Variants in STAG1 observed in about 807,000 individuals in gnomAD.
The protein encoded by STAG1 is cohesin subunit SA-1.
A neutral mutation model predicts 170.9 loss-of-function variants in STAG1; 26 were observed. The observed-to-expected ratio is 0.15, with a 90% CI of 0.11 to 0.21. The LOEUF is 0.21. STAG1 is among the 10% of genes least tolerant of loss of function. The pLI is 1.00. For synonymous variants in STAG1, 514 were observed against 497.7 expected (o/e 1.03, Z -0.44); for missense variants, 964 against 1,509.5 (o/e 0.64, Z 5.99).
chr3:136,746,015 T>G (rs957947308), intron 1 of STAG1, among the ~76,000 whole-genome samples: 20 of 152,212 alleles, frequency 1.3e-4, no homozygotes, highest in Non-Finnish European at 5.9e-5. Context: ...AAAGAAAAGA[T>G]TCTATAAAAC....
At chr3:136,656,689 T>A (rs1030351399) in intron 1 of STAG1, among the ~76,000 whole-genome samples, 2 of 145,996 alleles carry the variant, frequency 1.4e-5, no homozygotes, top group African/African-American at 5.3e-5. Flanking sequence ...ATAACCCACA[T>A]AAAGGAAATA....
intron 7 of STAG1, among the ~76,000 whole-genome samples, chr3:136,515,679 G>T (rs1032434061): frequency 6.6e-6 from 1 of 152,038 alleles, no homozygotes; most frequent in South Asian, 2.1e-4. Context: ...TTTCAGAACC[G>T]ATGATAGAAC....
intron 13 of STAG1, among the ~76,000 whole-genome samples, chr3:136,459,252 G>A (rs1031781970): frequency 5.6e-4 from 84 of 148,694 alleles, no homozygotes; most frequent in African/African-American, 1.9e-3. Context: ...GAAAAGAAAA[G>A]AAAAAAAGAC....
intron 4 of STAG1, among the ~76,000 whole-genome samples, chr3:136,584,575 A>G (rs546160954): frequency 2.6e-5 from 4 of 152,266 alleles, no homozygotes; most frequent in Admixed American, 2.0e-4. Context: ...TTCTTGGTTC[A>G]GTGTTCTCTA....
intron 23 of STAG1, among the ~76,000 whole-genome samples, chr3:136,375,030 A>T (rs893974920): frequency 1.3e-5 from 2 of 152,218 alleles, no homozygotes; most frequent in African/African-American, 4.8e-5. Context: ...ATCATAGCCT[A>T]AGAGGAATAG....
intron 6 of STAG1, among the ~76,000 whole-genome samples, chr3:136,536,353 C>G (rs989236781): frequency 9.9e-5 from 15 of 152,202 alleles, no homozygotes; most frequent in African/African-American, 3.4e-4. Flanking sequence ...GTTGTCCAAA[C>G]TGAAAAAGTG....
chr3:136,587,669 G>A (rs1054983705), intron 4 of STAG1, among the ~76,000 whole-genome samples: 3 of 151,054 alleles, frequency 2.0e-5, no homozygotes, highest in Non-Finnish European at 2.9e-5. Flanking sequence ...AGAAAAATTA[G>A]CCAGGCCAGG....
At chr3:136,576,834 G>GGT (rs1937479326) in intron 4 of STAG1, among the ~76,000 whole-genome samples, 1 of 152,170 alleles carries the variant, frequency 6.6e-6, no homozygotes, top group African/African-American at 2.4e-5. Context: ...GTAGGACCTT[G>GGT]GTTAAGCAGA....
intron 16 of STAG1, among the ~76,000 whole-genome samples, chr3:136,425,807 GAT>G (rs993200648): frequency 4.0e-5 from 6 of 150,818 alleles, no homozygotes; most frequent in East Asian, 3.9e-4. Context: ...TAAAAAATAA[GAT>G]ATGTGAAAAG....
intron 2 of STAG1, among the ~76,000 whole-genome samples, chr3:136,624,729 A>AT (rs1418926510): frequency 2.6e-5 from 4 of 152,318 alleles, no homozygotes; most frequent in African/African-American, 9.6e-5. Flanking sequence ...TTAAGCATTG[A>AT]TTTTTATCAT....
intron 1 of STAG1, among the ~76,000 whole-genome samples, chr3:136,679,013 A>T (rs923561089): frequency 6.7e-6 from 1 of 150,006 alleles, no homozygotes; most frequent in African/African-American, 2.5e-5. Flanking sequence ...AAAAAAAAAC[A>T]AATGTCTACA....
At chr3:136,472,361 G>T in intron 12 of STAG1, 52 bp downstream of exon 12, 1 of 1,352,610 alleles carries the variant, frequency 7.4e-7, no homozygotes, top group Non-Finnish European at 1.0e-6. Flanking sequence ...AAATCCTGGG[G>T]AAAAGGTATT....
intron 22 of STAG1, 27 bp from the exon 23 acceptor site, chr3:136,377,779 C>T (rs773410567): frequency 1.1e-5 from 18 of 1,580,778 alleles, no homozygotes; most frequent in South Asian, 2.2e-5. Flanking sequence ...AATTTGCAAG[C>T]GTGAATTACA....
At chr3:136,464,531 T>A (rs1411198178) in intron 13 of STAG1, among the ~76,000 whole-genome samples, 1 of 152,084 alleles carries the variant, frequency 6.6e-6, no homozygotes, top group African/African-American at 2.4e-5. Flanking sequence ...AGATTACAAA[T>A]GTTAAGAAAG....
intron 5 of STAG1, among the ~76,000 whole-genome samples, chr3:136,546,053 A>G (rs112172192): frequency 1.2e-3 from 178 of 152,304 alleles, no homozygotes; most frequent in African/African-American, 3.8e-3. Context: ...AAATACTAGA[A>G]TATCAAATTG....
At chr3:136,443,221 T>C in intron 15 of STAG1, 66 bp downstream of exon 15, 1 of 1,121,744 alleles carries the variant, frequency 8.9e-7, no homozygotes, top group South Asian at 1.3e-5. Context: ...AAGCGATCTA[T>C]ATACAACTGT....
intron 6 of STAG1, among the ~76,000 whole-genome samples, chr3:136,522,287 C>T (rs1934719264): frequency 6.6e-6 from 1 of 152,170 alleles, no homozygotes; most frequent in Admixed American, 6.6e-5. Context: ...ATATACAGAA[C>T]ACCAGATCCC....
intron 2 of STAG1, 101 bp downstream of exon 2, chr3:136,630,769 C>T: frequency 1.2e-6 from 1 of 847,040 alleles, no homozygotes; most frequent in South Asian, 1.6e-5. Flanking sequence ...TATCAAAGAA[C>T]ATATTTGAAA....
chr3:136,674,102 C>CAA (rs1172904659), intron 1 of STAG1, among the ~76,000 whole-genome samples: 33 of 44,178 alleles, frequency 7.5e-4, no homozygotes, highest in East Asian at 3.7e-3. Context: ...GACTCTGTCT[C>CAA]AAAAAAAAAA....
Sources: allele counts gnomAD v4.1 joint callset (sites outside exome capture counted in the v4.1 genomes callset), GRCh38; gene constraint gnomAD v4.1.1; transcripts MANE v1.5; gene names NCBI Gene and HGNC (gene_info 2026-07-23, HGNC 2026-07-21).